The following CALN1 variants were observed in gnomAD, a reference collection of about 807,000 sequenced individuals.
CALN1 encodes the protein calcium-binding protein 8.
Under a neutral mutation model 30.6 loss-of-function variants are expected in CALN1, and 17 were observed. The observed-to-expected ratio is 0.56, with a 90% confidence interval of 0.38 to 0.83. CALN1 has a LOEUF of 0.83. Ranked by LOEUF, CALN1 falls within the 40% of genes least tolerant of loss-of-function variation. The pLI, the probability that CALN1 is intolerant of heterozygous loss-of-function variation, is 0.00. For synonymous variants in CALN1, 156 were observed against 131.4 expected, an observed-to-expected ratio of 1.19 and a Z score of -1.28; for missense variants, 291 against 354.9, an observed-to-expected ratio of 0.82 and a Z score of 1.45.
intron 5 of CALN1, among the ~76,000 whole-genome samples, chr7:71,879,580 G>C (rs554341606): frequency 1.3e-5 from 2 of 152,360 alleles, no homozygotes; most frequent in East Asian, 3.9e-4. Context: ...GCTGGGCTGA[G>C]TGCAGGATAG....
intron 3 of CALN1, among the ~76,000 whole-genome samples, chr7:72,181,109 C>CA (rs1466261808): frequency 1.5e-4 from 8 of 53,402 alleles, no homozygotes; most frequent in African/African-American, 2.2e-4. Context: ...CCCCCCCCCC[C>CA]CAAAAAAAAA....
chr7:72,301,823 G>A (rs981406472), intron 2 of CALN1, among the ~76,000 whole-genome samples: 2 of 152,118 alleles, frequency 1.3e-5, no homozygotes, highest in Non-Finnish European at 2.9e-5. Flanking sequence ...GAGAAAGGCT[G>A]CTACTAAAAC....
At chr7:72,110,130 G>A (rs1172090441) in intron 3 of CALN1, among the ~76,000 whole-genome samples, 2 of 152,154 alleles carry the variant, frequency 1.3e-5, no homozygotes, top group Non-Finnish European at 2.9e-5. Context: ...TGGACAGGGT[G>A]GGTCCCTTCC....
intron 5 of CALN1, among the ~76,000 whole-genome samples, chr7:71,909,984 G>A (rs1293022637): frequency 6.6e-6 from 1 of 152,176 alleles, no homozygotes; most frequent in Non-Finnish European, 1.5e-5. Context: ...TAAAGGAGAA[G>A]CAAAGGCACA....
intron 5 of CALN1, among the ~76,000 whole-genome samples, chr7:71,946,367 C>CTTTTT (rs34207419): frequency 1.6e-4 from 20 of 128,634 alleles, no homozygotes; most frequent in Non-Finnish European, 2.3e-4. Context: ...TTCTTTCTTT[C>CTTTTT]TTTTTTTTTT....
At chr7:72,336,089 G>A (rs1012011310) in intron 2 of CALN1, among the ~76,000 whole-genome samples, 1 of 152,182 alleles carries the variant, frequency 6.6e-6, no homozygotes, top group Non-Finnish European at 1.5e-5. Flanking sequence ...AGGCCTCTCT[G>A]GTTACCCCTT....
chr7:71,930,709 T>C lies in CALN1; in HGVS notation c.501+92948A>G, dbSNP rs150327238. Among the ~76,000 whole-genome samples, 5 of 152,334 alleles carry C rather than the reference T, an allele frequency of 3.3e-5. No individual in the cohort carries two copies. In the East Asian group the frequency reaches 5.8e-4, roughly 18 times the overall value. On this transcript the variant is annotated intron_variant, in intron 5 of 6. Coordinates refer to ENST00000395275, the MANE Select transcript of CALN1 (RefSeq NM_031468.4). ...GATCCATTTTGAGTTAATTGTTGTGTTTGGTGTAATGAAGCAGTCCAACTT... is the reference window on the plus strand; with the variant it reads ...GATCCATTTTGAGTTAATTGTTGTGCTTGGTGTAATGAAGCAGTCCAACTT...
chr7:72,331,164 A>G (rs748605151), intron 2 of CALN1, among the ~76,000 whole-genome samples: 1 of 152,124 alleles, frequency 6.6e-6, no homozygotes, highest in Non-Finnish European at 1.5e-5. Context: ...AGCCTGGCCA[A>G]TATGGTGAAA....
intron 5 of CALN1, among the ~76,000 whole-genome samples, chr7:71,992,495 T>C (rs576332279): frequency 6.6e-6 from 1 of 152,268 alleles, no homozygotes; most frequent in Admixed American, 6.5e-5. Context: ...TAGCTGGGAC[T>C]ACAGGTGCAC....
At chr7:72,387,366 G>A (rs890874424) in intron 2 of CALN1, among the ~76,000 whole-genome samples, 1 of 150,764 alleles carries the variant, frequency 6.6e-6, no homozygotes, top group Non-Finnish European at 1.5e-5. Context: ...CTCTCATGGA[G>A]CAGGAGCATA....
Position 71,780,582 on chromosome 7 carries a change from A to G in CALN1, c.*7193T>C, listed in dbSNP as rs1315581719. On this transcript the variant is annotated 3_prime_UTR_variant, in exon 7 of 7. Transcript: ENST00000395275. The stretch of plus-strand genomic sequence containing the variant: ...TGTCGCAGGTAGCCGGTCCCCCGCG[A>G]CTGTTAATCTAATTCCTCACAATCA... 2.6e-5 allele frequency: 4 copies of G among 151,896 alleles called. No homozygotes were observed. The highest frequency in any genetic ancestry group is 2.4e-5 in the African/African-American group (1 of 41,346). 9.4% of individuals were successfully genotyped at this position (151,896 alleles called of 1,614,324 possible).
At chr7:72,281,605 A>G (rs1363555635) in intron 2 of CALN1, among the ~76,000 whole-genome samples, 1 of 152,190 alleles carries the variant, frequency 6.6e-6, no homozygotes, top group East Asian at 1.9e-4. Flanking sequence ...TTAAGTCTTC[A>G]CAAGCATGGA....
At chr7:72,306,142 TGACAA>T (rs76267095) in intron 2 of CALN1, among the ~76,000 whole-genome samples, 5 of 152,184 alleles carry the variant, frequency 3.3e-5, no homozygotes, top group Non-Finnish European at 5.9e-5. Context: ...TGGTATAACA[TGACAA>T]GACAAGGAAG....
At chr7:72,063,549 C>G (rs1366925522) in intron 4 of CALN1, among the ~76,000 whole-genome samples, 7 of 152,098 alleles carry the variant, frequency 4.6e-5, no homozygotes, top group Non-Finnish European at 5.9e-5. Context: ...ATTCACCAGC[C>G]AAGAGCTCAT....
chr7:72,326,182 C>A (rs755471160), intron 2 of CALN1, among the ~76,000 whole-genome samples: 2 of 152,168 alleles, frequency 1.3e-5, no homozygotes, highest in South Asian at 4.1e-4. Flanking sequence ...GGATTACAGG[C>A]GTGAGCCATC....
chr7:72,250,718 C>G (rs1230446935), intron 3 of CALN1, among the ~76,000 whole-genome samples: 1 of 152,002 alleles, frequency 6.6e-6, no homozygotes, highest in Non-Finnish European at 1.5e-5. Flanking sequence ...CTCGCTTACT[C>G]CCCCTCTTGC....
intron 4 of CALN1, among the ~76,000 whole-genome samples, chr7:72,052,373 C>A (rs1035191256): frequency 1.3e-5 from 2 of 152,102 alleles, no homozygotes; most frequent in Non-Finnish European, 2.9e-5. Context: ...AGAGAAGATA[C>A]GGAGGATCTG....
intron 3 of CALN1, among the ~76,000 whole-genome samples, chr7:72,118,331 TC>T (rs1808140298): frequency 1.3e-5 from 2 of 152,174 alleles, no homozygotes; most frequent in Non-Finnish European, 2.9e-5. Context: ...GTCAACTCCT[TC>T]CCTAGCTATC....
chr7:71,844,870 C>A (rs759130684), intron 5 of CALN1, among the ~76,000 whole-genome samples: 18 of 152,102 alleles, frequency 1.2e-4, no homozygotes, highest in Admixed American at 3.3e-4. Flanking sequence ...CATCTGAGTT[C>A]TTTAATGTCT....
Sources: gnomAD v4.1 joint callset for allele counts (sites outside exome capture counted in the v4.1 genomes callset) on GRCh38, gnomAD v4.1.1 for gene constraint, MANE v1.5 for transcripts, NCBI Gene and HGNC (gene_info 2026-07-23, HGNC 2026-07-21) for gene names.